The following COL24A1 variants were observed in gnomAD, a reference collection of about 807,000 sequenced individuals.
COL24A1 encodes collagen alpha-1(XXIV) chain.
In COL24A1, 224 loss-of-function variants were observed where a neutral mutation model predicts 253.9. That is an observed-to-expected ratio of 0.88 (90% CI 0.79 to 0.99). The LOEUF (loss-of-function observed/expected upper bound fraction) is 0.99. Among genes scored for constraint, COL24A1 ranks in the 50% least tolerant of loss-of-function variants. The pLI, the probability that COL24A1 is intolerant of heterozygous loss-of-function variation, is 0.00. For synonymous variants in COL24A1, 685 were observed against 673.7 expected, an observed-to-expected ratio of 1.02 and a Z score of -0.26; for missense variants, 2,131 against 2,068.5, an observed-to-expected ratio of 1.03 and a Z score of -0.59.
At chr1:86,026,907 AG>A (rs1224351917) in intron 14 of COL24A1, among the ~76,000 whole-genome samples, 9 of 152,160 alleles carry the variant, frequency 5.9e-5, no homozygotes, top group Non-Finnish European at 1.3e-4. Context: ...AGGTGGTCTC[AG>A]GGTAAGATGA....
chr1:85,826,353 T>C (rs1168370254), intron 43 of COL24A1, among the ~76,000 whole-genome samples: 9 of 144,744 alleles, frequency 6.2e-5, no homozygotes, highest in African/African-American at 1.8e-4. Context: ...TGAAGTCAGG[T>C]AGTGTGATGC....
chr1:85,843,536 A>G (rs1558356343), intron 39 of COL24A1, among the ~76,000 whole-genome samples: 2 of 152,228 alleles, frequency 1.3e-5, no homozygotes, highest in Non-Finnish European at 2.9e-5. Context: ...AACACTGGAA[A>G]ATAAGTAAAC....
intron 47 of COL24A1, among the ~76,000 whole-genome samples, chr1:85,813,711 C>T (rs904546119): frequency 3.3e-5 from 5 of 150,916 alleles, no homozygotes; most frequent in Non-Finnish European, 5.9e-5. Context: ...CCACTACGCC[C>T]GGCTAATTTT....
intron 20 of COL24A1, among the ~76,000 whole-genome samples, chr1:85,978,926 T>C (rs1174616536): frequency 6.6e-6 from 1 of 152,066 alleles, no homozygotes. Context: ...CCAAGATAGA[T>C]CACATGAGAG....
chr1:85,838,696 T>C (rs1676283217), intron 42 of COL24A1, 58 bp from the exon 43 acceptor site: 1 of 1,484,148 alleles, frequency 6.7e-7, no homozygotes, highest in Non-Finnish European at 9.4e-7. Flanking sequence ...TATATGCGAA[T>C]GCAGGTGATA....
At chr1:86,096,205 G>T (rs1475358487) in intron 5 of COL24A1, among the ~76,000 whole-genome samples, 1 of 152,088 alleles carries the variant, frequency 6.6e-6, no homozygotes, top group African/African-American at 2.4e-5. Context: ...TTTTACAATT[G>T]TTGCCATCTT....
intron 45 of COL24A1, among the ~76,000 whole-genome samples, chr1:85,821,755 A>G (rs2101973117): frequency 6.6e-6 from 1 of 152,318 alleles, no homozygotes; most frequent in Admixed American, 6.5e-5. Flanking sequence ...TCCAACACGC[A>G]GGGATTGTTG....
At chr1:85,843,923 C>A (rs1676893593) in intron 39 of COL24A1, among the ~76,000 whole-genome samples, 1 of 151,720 alleles carries the variant, frequency 6.6e-6, no homozygotes, top group South Asian at 2.1e-4. Flanking sequence ...AATATATATG[C>A]AAAATATGTA....
At chr1:85,926,641 G>A (rs926839828) in intron 24 of COL24A1, among the ~76,000 whole-genome samples, 1 of 151,890 alleles carries the variant, frequency 6.6e-6, no homozygotes, top group African/African-American at 2.4e-5. Flanking sequence ...CACAGGGCGG[G>A]GAACATCACA....
intron 7 of COL24A1, among the ~76,000 whole-genome samples, chr1:86,068,366 C>T (rs1284859482): frequency 6.6e-6 from 1 of 152,204 alleles, no homozygotes; most frequent in Non-Finnish European, 1.5e-5. Flanking sequence ...AGGGAAAGCC[C>T]AGTGACTGGG....
intron 5 of COL24A1, among the ~76,000 whole-genome samples, chr1:86,093,368 C>G (rs1335239848): frequency 6.6e-6 from 1 of 151,982 alleles, no homozygotes; most frequent in Admixed American, 6.6e-5. Context: ...CATCCCAGCA[C>G]CATTTATTGA....
chr1:85,907,997 T>G (rs1268088779), intron 27 of COL24A1, among the ~76,000 whole-genome samples: 1 of 151,764 alleles, frequency 6.6e-6, no homozygotes, highest in African/African-American at 2.4e-5. Context: ...ATTGGGCTTA[T>G]TTTTAAAACA....
chr1:85,774,210 G>A (rs554712921), intron 53 of COL24A1, among the ~76,000 whole-genome samples: 1 of 152,164 alleles, frequency 6.6e-6, no homozygotes, highest in Non-Finnish European at 1.5e-5. Flanking sequence ...TTGCATCCCA[G>A]GAATGAAGGC....
chr1:85,882,730 G>A (rs763445881), intron 32 of COL24A1, among the ~76,000 whole-genome samples: 5 of 152,084 alleles, frequency 3.3e-5, no homozygotes, highest in Non-Finnish European at 5.9e-5. Flanking sequence ...TAATAATAGA[G>A]TCATCTATTT....
At position 85,961,144 on chromosome 1, in the gene COL24A1, A is replaced by C. The variant is rs1181368686; in HGVS notation, c.2562+105T>G. ...TTTAAATTTGTAGTGGATAAGAATT[A>C]TTCTGATTCCGAGTAACTTGACTAT... On this transcript the variant is annotated intron_variant, in intron 24 of 59. Coordinates refer to ENST00000370571, the MANE Select transcript of COL24A1 (RefSeq NM_152890.7). 2.2e-5 allele frequency: 19 copies of C among 844,782 alleles called. No individual in the cohort carries two copies. The East Asian group carries it at 3.7e-4, about 17-fold the overall frequency. 52.3% of individuals were successfully genotyped at this position (844,782 alleles called of 1,614,324 possible).
chr1:86,140,408 G>A (rs1388907491), intron 2 of COL24A1, among the ~76,000 whole-genome samples: 1 of 152,150 alleles, frequency 6.6e-6, no homozygotes, highest in African/African-American at 2.4e-5. Context: ...AGAGATAAAT[G>A]CTAATTTATT....
chr1:85,794,507 C>T (rs534299199), intron 47 of COL24A1, among the ~76,000 whole-genome samples: 1 of 152,108 alleles, frequency 6.6e-6, no homozygotes, highest in African/African-American at 2.4e-5. Flanking sequence ...TGAATATAGT[C>T]CAAGTCATTT....
chr1:85,787,001 T>C (rs866573098), intron 47 of COL24A1, among the ~76,000 whole-genome samples: 2 of 152,234 alleles, frequency 1.3e-5, no homozygotes, highest in South Asian at 2.1e-4. Flanking sequence ...CCTGTTTTTG[T>C]AGATCTCATG....
At chr1:85,891,666 A>G (rs1215054775) in intron 31 of COL24A1, among the ~76,000 whole-genome samples, 1 of 152,196 alleles carries the variant, frequency 6.6e-6, no homozygotes, top group Non-Finnish European at 1.5e-5. Context: ...ATTAAGAGAG[A>G]GGATCATTAT....
Sources: gnomAD v4.1 joint callset for allele counts (sites outside exome capture counted in the v4.1 genomes callset) on GRCh38, gnomAD v4.1.1 for gene constraint, MANE v1.5 for transcripts, NCBI Gene and HGNC (gene_info 2026-07-23, HGNC 2026-07-21) for gene names.